TUNAR: variants seen among roughly 807,000 people sequenced by gnomAD.
TUNAR encodes the protein transmembrane neural differentiation associated intracellular calcium regulator.
chr14:95,894,342 G>A (rs1032911027), intron 2 of TUNAR, among the ~76,000 whole-genome samples: 2 of 152,216 alleles, frequency 1.3e-5, no homozygotes, highest in Non-Finnish European at 2.9e-5. Context: ...TTGTGCAAGG[G>A]CTTGGGGACC....
rs569678515 is a variant in TUNAR, at chr14:95,888,520, G to A, written c.12+11343G>A. On this transcript the variant is annotated intron_variant, in intron 2 of 2. Coordinates refer to ENST00000678517, the Ensembl canonical transcript of TUNAR. The stretch of plus-strand genomic sequence containing the variant: ...AATCATCTGGGAGGCTTCCTCACTC[G>A]CATGTCTGGCCCCTGAGTGAGAAGG... Among the ~76,000 whole-genome samples, 14 of 152,256 alleles carry A rather than the reference G, an allele frequency of 9.2e-5. No homozygotes were observed. The South Asian group carries it at 1.5e-3, about 16-fold the overall frequency.
chr14:95,894,885 A>C (rs1244019930), intron 2 of TUNAR, among the ~76,000 whole-genome samples: 1 of 152,216 alleles, frequency 6.6e-6, no homozygotes, highest in Non-Finnish European at 1.5e-5. Context: ...TCCTGTCCTC[A>C]GCCACAGGTG....
intron 2 of TUNAR, among the ~76,000 whole-genome samples, chr14:95,889,693 T>A (rs1889141262): frequency 6.6e-6 from 1 of 152,112 alleles, no homozygotes; most frequent in African/African-American, 2.4e-5. Flanking sequence ...TCATCTTCCC[T>A]GTAAGCCCAC....
At chr14:95,896,325 G>A (rs1889268561) in intron 2 of TUNAR, among the ~76,000 whole-genome samples, 1 of 152,196 alleles carries the variant, frequency 6.6e-6, no homozygotes, top group African/African-American at 2.4e-5. Flanking sequence ...GGGAAACTGA[G>A]GTAGAACCCC....
At chr14:95,896,723 G>A (rs1468852941) in intron 2 of TUNAR, among the ~76,000 whole-genome samples, 1 of 152,188 alleles carries the variant, frequency 6.6e-6, no homozygotes, top group Non-Finnish European at 1.5e-5. Flanking sequence ...CCCAAAAGGT[G>A]GAAACATTTA....
Position 95,876,820 on chromosome 14 carries a change from T to A in TUNAR, c.-306-40T>A, listed in dbSNP as rs919104134. The A allele has an allele frequency of 6.6e-6, 1 of 152,148 alleles. No homozygotes were observed. Among genetic ancestry groups the A allele is most frequent in the African/African-American group, 2.4e-5 (1 of 41,436 alleles). The allele number at this position is 152,148 out of a possible 1,614,324, so 9.4% of individuals were successfully genotyped here. On this transcript the variant is annotated intron_variant, in intron 1 of 2. Coordinates refer to ENST00000678517, the Ensembl canonical transcript of TUNAR. ...CGGGGTGCAGCTCTGCGCGTTCTCA[T>A]GCTGTCTCTCTCTCTTTCCCTCCGC... is the stretch of plus-strand genomic sequence containing the variant.
chr14:95,918,427 C>A (rs1889639775), intron 2 of TUNAR, among the ~76,000 whole-genome samples: 1 of 152,226 alleles, frequency 6.6e-6, no homozygotes, highest in Non-Finnish European at 1.5e-5. Context: ...CAGACCCTGG[C>A]CAGACAACTT....
At chr14:95,911,151 C>T (rs959044057) in intron 2 of TUNAR, among the ~76,000 whole-genome samples, 2 of 152,212 alleles carry the variant, frequency 1.3e-5, no homozygotes, top group Non-Finnish European at 2.9e-5. Context: ...TCCCCGCTTC[C>T]CCCTCCAGCC....
intron 2 of TUNAR, among the ~76,000 whole-genome samples, chr14:95,890,338 C>G (rs1193956299): frequency 1.3e-5 from 2 of 152,174 alleles, no homozygotes; most frequent in African/African-American, 4.8e-5. Flanking sequence ...TCTTCTCGTC[C>G]TCTGAGCATA....
At chr14:95,881,401 A>G (rs1888975369) in intron 2 of TUNAR, among the ~76,000 whole-genome samples, 1 of 152,224 alleles carries the variant, frequency 6.6e-6, no homozygotes, top group Non-Finnish European at 1.5e-5. Context: ...AAACTGATGT[A>G]TGCGACGTCA....
intron 2 of TUNAR, among the ~76,000 whole-genome samples, chr14:95,909,400 C>T (rs1889477079): frequency 6.6e-6 from 1 of 151,572 alleles, no homozygotes; most frequent in South Asian, 2.1e-4. Context: ...TTTCCTGCCT[C>T]AGCCTCCCGA....
At chr14:95,886,395 C>T (rs1223211068) in intron 2 of TUNAR, among the ~76,000 whole-genome samples, 3 of 152,208 alleles carry the variant, frequency 2.0e-5, no homozygotes, top group African/African-American at 4.8e-5. Context: ...CTCAGGGTCA[C>T]GGGTGGTTAT....
chr14:95,886,006 T>C (rs1889070289), intron 2 of TUNAR, among the ~76,000 whole-genome samples: 1 of 152,136 alleles, frequency 6.6e-6, no homozygotes, highest in Admixed American at 6.5e-5. Flanking sequence ...GAAAGCAAGG[T>C]AGCCGCTGGC....
chr14:95,916,313 A>G (rs1008973873), intron 2 of TUNAR, among the ~76,000 whole-genome samples: 2 of 152,156 alleles, frequency 1.3e-5, no homozygotes, highest in African/African-American at 4.8e-5. Context: ...TCACACTTGT[A>G]TCTCCATATA....
At chr14:95,902,496 A>C (rs1322909328) in intron 2 of TUNAR, among the ~76,000 whole-genome samples, 1 of 152,248 alleles carries the variant, frequency 6.6e-6, no homozygotes, top group East Asian at 1.9e-4. Context: ...CCAAAGAAAA[A>C]TATTCATGAA....
intron 2 of TUNAR, among the ~76,000 whole-genome samples, chr14:95,893,313 T>C (rs1168712614): frequency 2.0e-5 from 3 of 152,232 alleles, no homozygotes; most frequent in South Asian, 2.1e-4. Context: ...ATCCAGGGTT[T>C]CAGGAGGCAG....
intron 2 of TUNAR, among the ~76,000 whole-genome samples, chr14:95,886,068 C>G (rs959119337): frequency 1.3e-5 from 2 of 152,172 alleles, no homozygotes; most frequent in Admixed American, 6.5e-5. Flanking sequence ...GGAAATGGAG[C>G]GGGCAGTGTC....
chr14:95,901,824 G>T (rs1355740788), intron 2 of TUNAR, among the ~76,000 whole-genome samples: 2 of 152,148 alleles, frequency 1.3e-5, no homozygotes, highest in African/African-American at 4.8e-5. Context: ...GAAGTGTAGG[G>T]TACATAGCTG....
chr14:95,879,353 A>G (rs34853349), intron 2 of TUNAR, among the ~76,000 whole-genome samples: 8,194 of 152,254 alleles, frequency 0.054, 334 homozygotes, highest in East Asian at 0.13. Context: ...GCTCATAGGG[A>G]TCTGCAAAGG....
Sources: allele counts gnomAD v4.1 joint callset (sites outside exome capture counted in the v4.1 genomes callset), GRCh38; gene constraint gnomAD v4.1.1; transcripts MANE v1.5; gene names NCBI Gene and HGNC (gene_info 2026-07-23, HGNC 2026-07-21).